PHTF1: variants seen among roughly 807,000 people sequenced by gnomAD.
The protein encoded by PHTF1 is putative homeodomain transcription factor 1, also known as protein PHTF1.
PHTF1 carries 88 observed loss-of-function variants against 102.4 expected under a neutral mutation model. The ratio of observed to expected loss-of-function variants is 0.86; its 90% confidence interval spans 0.72 to 1.03. The LOEUF is 1.03. Ranked by LOEUF, PHTF1 falls within the 50% of genes least tolerant of loss-of-function variation. The pLI is 0.00. For synonymous variants in PHTF1, 289 were observed against 305.2 expected, an observed-to-expected ratio of 0.95 and a Z score of 0.55; for missense variants, 814 against 909.5, an observed-to-expected ratio of 0.89 and a Z score of 1.35.
chr1:113,733,976 G>A, intron 5 of PHTF1, among the ~76,000 whole-genome samples: 1 of 152,136 alleles, frequency 6.6e-6, no homozygotes, highest in East Asian at 1.9e-4. Context: ...AAGAAAAGAG[G>A]AGGCCGGGTG....
chr1:113,742,875 C>A (rs1338616913), intron 3 of PHTF1, among the ~76,000 whole-genome samples: 2 of 152,140 alleles, frequency 1.3e-5, no homozygotes, highest in Admixed American at 6.5e-5. Flanking sequence ...GCTCTGTTGC[C>A]CATGATATAG....
chr1:113,721,581 GATA>G (rs1210885173), intron 7 of PHTF1, among the ~76,000 whole-genome samples: 14 of 152,296 alleles, frequency 9.2e-5, no homozygotes, highest in African/African-American at 3.4e-4. Context: ...TTTGTTTACA[GATA>G]ATAAGATCTT....
chr1:113,743,128 T>A (rs113203094), intron 3 of PHTF1, among the ~76,000 whole-genome samples: 1 of 152,226 alleles, frequency 6.6e-6, no homozygotes, highest in Admixed American at 6.5e-5. Context: ...CTATGATAAC[T>A]TAACCTTAGC....
intron 12 of PHTF1, 120 bp from the exon 13 acceptor site, chr1:113,706,282 A>T: frequency 1.1e-6 from 1 of 891,814 alleles, no homozygotes. Context: ...AATACAAATG[A>T]CATACAGATT....
intron 8 of PHTF1, 134 bp from the exon 9 acceptor site, chr1:113,712,247 C>T (rs1651239368): frequency 1.6e-6 from 1 of 626,046 alleles, no homozygotes; most frequent in Non-Finnish European, 2.8e-6. Context: ...CTGAACAAAT[C>T]CATATATTAC....
chr1:113,713,239 T>G (rs1308108454), intron 8 of PHTF1, 40 bp downstream of exon 8: 2 of 1,561,526 alleles, frequency 1.3e-6, no homozygotes, highest in African/African-American at 1.4e-5. Flanking sequence ...AAATGTTACA[T>G]GGGGAAAAAA....
At chr1:113,733,060 A>ATTTTTTTTTTT (rs386368123) in intron 5 of PHTF1, among the ~76,000 whole-genome samples, 26 of 84,164 alleles carry the variant, frequency 3.1e-4, no homozygotes, top group Admixed American at 5.0e-4. Flanking sequence ...CGCCTGGCTA[A>ATTTTTTTTTTT]TTTTTTTTTT....
chr1:113,743,123 A>G (rs1046832128), intron 3 of PHTF1, among the ~76,000 whole-genome samples: 4 of 152,192 alleles, frequency 2.6e-5, no homozygotes, highest in Non-Finnish European at 4.4e-5. Context: ...CTGTTCTATG[A>G]TAACTTAACC....
In PHTF1 at chr1:113,710,308, C is replaced by T; in HGVS notation, c.1215G>A (p.Val405=). The change falls in exon 11 of 19, where the codon GTG becomes GTA. Residue 405 remains valine, a synonymous_variant. Transcript: ENST00000369604. ...SVTSDSEGAH[V]NTLHSGTKRD... ...GTTTGGTCCCTGAGTGAAGGGTATTCACATGGGCCCCCTCACTGTCACTGG... is the reference window on the plus strand; with the variant it reads ...GTTTGGTCCCTGAGTGAAGGGTATTTACATGGGCCCCCTCACTGTCACTGG... 1 of 1,614,042 alleles carries T rather than the reference C, an allele frequency of 6.2e-7. No individual in the cohort carries two copies. Among genetic ancestry groups the T allele is most frequent in the Non-Finnish European group, 8.5e-7 (1 of 1,180,022 alleles).
chr1:113,724,985 A>G (rs760375527), intron 6 of PHTF1, 92 bp from the exon 7 acceptor site: 2 of 834,726 alleles, frequency 2.4e-6, no homozygotes, highest in Non-Finnish European at 3.7e-6. Context: ...CTGACAAATT[A>G]CTACCTTAAA....
At chr1:113,713,166 G>T (rs1651411220) in intron 8 of PHTF1, 113 bp downstream of exon 8, 2 of 927,476 alleles carry the variant, frequency 2.2e-6, no homozygotes, top group South Asian at 1.4e-5. Context: ...GGTTTTACTT[G>T]TTAGGACAAA....
chr1:113,724,088 A>G (rs1656672259), intron 7 of PHTF1, among the ~76,000 whole-genome samples: 1 of 152,200 alleles, frequency 6.6e-6, no homozygotes, highest in African/African-American at 2.4e-5. Flanking sequence ...CTCCAGTTAA[A>G]ATGGCTTTTA....
At chr1:113,750,015 G>A (rs1325070837) in intron 3 of PHTF1, among the ~76,000 whole-genome samples, 2 of 151,490 alleles carry the variant, frequency 1.3e-5, no homozygotes, top group Admixed American at 1.3e-4. Flanking sequence ...TTTTTTTCAG[G>A]ACAGGGTCTT....
chr1:113,724,645 A>G (rs535709027), intron 7 of PHTF1, 114 bp downstream of exon 7: 442 of 692,222 alleles, frequency 6.4e-4, no homozygotes, highest in Non-Finnish European at 8.2e-4. Context: ...GCCCTCTGAT[A>G]ACCCTTAAAA....
chr1:113,704,530 C>T, intron 14 of PHTF1, 136 bp downstream of exon 14: 1 of 612,162 alleles, frequency 1.6e-6, no homozygotes, highest in Non-Finnish European at 2.8e-6. Context: ...ATCCAACTTG[C>T]TGTCCAGCAA....
Position 113,736,870 on chromosome 1 carries a change from G to T in PHTF1, c.331+1240C>A, listed in dbSNP as rs145450793. On this transcript the variant is annotated intron_variant, in intron 5 of 18. Transcript: ENST00000369604. ...GAGAGAAGAGCAGGCACCAGGTCCT[G>T]TAGGGCATTATAGGCCATGGTAAGA... 3.9e-3 allele frequency among the ~76,000 whole-genome samples: 593 copies of T among 152,316 alleles called. 3 individuals are homozygous for T. The highest frequency in any genetic ancestry group is 0.021 in the South Asian group (99 of 4,828).
chr1:113,747,818 A>G (rs570621505), intron 3 of PHTF1, among the ~76,000 whole-genome samples: 1 of 152,312 alleles, frequency 6.6e-6, no homozygotes, highest in African/African-American at 2.4e-5. Flanking sequence ...CAAATGAGCT[A>G]GAAGTTGCTG....
intron 3 of PHTF1, among the ~76,000 whole-genome samples, chr1:113,753,194 C>T (rs949385231): frequency 6.6e-6 from 1 of 152,196 alleles, no homozygotes; most frequent in African/African-American, 2.4e-5. Context: ...AAGATTTTCA[C>T]ACATACATTC....
chr1:113,750,635 G>A (rs941129779), intron 3 of PHTF1, among the ~76,000 whole-genome samples: 3 of 150,764 alleles, frequency 2.0e-5, no homozygotes, highest in Admixed American at 1.3e-4. Flanking sequence ...AAGGCAGGCA[G>A]ATCATGAAAT....
Sources: allele counts gnomAD v4.1 joint callset (sites outside exome capture counted in the v4.1 genomes callset), GRCh38; gene constraint gnomAD v4.1.1; transcripts MANE v1.5; gene names NCBI Gene and HGNC (gene_info 2026-07-23, HGNC 2026-07-21).